Variants in RPS6KA2 observed in about 807,000 individuals in gnomAD.
RPS6KA2 encodes the protein ribosomal protein S6 kinase A2.
RPS6KA2 carries 42 observed loss-of-function variants against 91.8 expected under a neutral mutation model. The observed-to-expected ratio is 0.46, with a 90% CI of 0.36 to 0.59. The LOEUF is 0.59. Among genes scored for constraint, RPS6KA2 ranks in the 20% least tolerant of loss-of-function variants. The pLI, the probability that RPS6KA2 is intolerant of heterozygous loss-of-function variation, is 0.00. For synonymous variants in RPS6KA2, 414 were observed against 393.6 expected (o/e 1.05, Z -0.61); for missense variants, 798 against 978.5 (o/e 0.82, Z 2.46).
chr6:166,487,512 C>T (rs1476001302), intron 10 of RPS6KA2, among the ~76,000 whole-genome samples: 1 of 152,104 alleles, frequency 6.6e-6, no homozygotes, highest in Non-Finnish European at 1.5e-5. Flanking sequence ...TGGGTTATCA[C>T]CGAGAGGTCT....
chr6:166,627,297 T>G, upstream of RPS6KA2: 2 of 886,574 alleles, frequency 2.3e-6, no homozygotes, highest in South Asian at 5.0e-5. Flanking sequence ...CCACCACCAC[T>G]ACCACCAATC....
At chr6:166,449,772 C>T (rs1221853321) in intron 13 of RPS6KA2, among the ~76,000 whole-genome samples, 1 of 150,844 alleles carries the variant, frequency 6.6e-6, no homozygotes, top group African/African-American at 2.4e-5. Context: ...CCACGGAGAC[C>T]ATTACAGGGA....
At chr6:166,487,880 C>T (rs9457172) in intron 10 of RPS6KA2, among the ~76,000 whole-genome samples, 201 of 152,310 alleles carry the variant, frequency 1.3e-3, no homozygotes, top group African/African-American at 4.7e-3. Flanking sequence ...TTTTGATTAG[C>T]TTCACTTTCA....
In RPS6KA2 at chr6:166,733,817, G is replaced by A. The variant is rs367591865; in HGVS notation, c.123+124383C>T. The stretch of plus-strand genomic sequence containing the variant: ...AGAGAAGTAAAAGGAAGGTTTCTGC[G>A]TTTTTCTGTTTATAAAGCGGATATG... On this transcript the variant is annotated intron_variant, in intron 2 of 21. Coordinates refer to the RPS6KA2 transcript ENST00000503859. The surrounding 1 kb of genome is among the most constrained non-coding windows in gnomAD (Gnocchi z 4.1). Among the ~76,000 whole-genome samples, 7 of 152,166 alleles carry A rather than the reference G, an allele frequency of 4.6e-5. No homozygotes were observed. Among genetic ancestry groups the A allele is most frequent in the East Asian group, 1.9e-4 (1 of 5,198 alleles).
intron 2 of RPS6KA2, among the ~76,000 whole-genome samples, chr6:166,659,731 G>A (rs928107994): frequency 7.2e-5 from 11 of 152,276 alleles, no homozygotes; most frequent in South Asian, 2.1e-4. Context: ...GCTGGACGGC[G>A]TGGTGGCTTG....
intron 2 of RPS6KA2, among the ~76,000 whole-genome samples, chr6:166,694,540 C>G (rs181605685): frequency 9.5e-4 from 145 of 152,352 alleles, no homozygotes; most frequent in African/African-American, 3.0e-3. Flanking sequence ...AAGAGTTCGT[C>G]TAACACTTTT....
rs547733364 is a variant in RPS6KA2 at position 166,563,543 on chromosome 6, C to G, written c.100-24759G>C. Reference sequence around the variant, plus strand: ...TGTGCCTGCCCCCACTCCATCTGAGCGGCTGACCAGTCACCAGACTCACCC... The same window carrying G: ...TGTGCCTGCCCCCACTCCATCTGAGGGGCTGACCAGTCACCAGACTCACCC... On this transcript the variant is annotated intron_variant, in intron 1 of 20. Transcript: ENST00000265678. The surrounding 1 kb of genome is among the most constrained non-coding windows in gnomAD (Gnocchi z 4.1). 2.0e-5 allele frequency among the ~76,000 whole-genome samples: 3 copies of G among 152,074 alleles called. No individual in the cohort carries two copies. Among genetic ancestry groups the G allele is most frequent in the East Asian group, 1.9e-4 (1 of 5,150 alleles).
In RPS6KA2 at chr6:166,626,964, C is replaced by T; in HGVS notation, c.56G>A (p.Arg19His). The T allele has an allele frequency of 6.4e-7, 1 of 1,566,024 alleles. No homozygotes were observed. The highest frequency in any genetic ancestry group is 8.7e-7 in the Non-Finnish European group (1 of 1,155,776). Reference sequence around the variant, plus strand: ...GGAGCTCTTGGAGCGCGACTTCCTGCGCAGGTACACAGAGAAGAACCTGCG... The same window carrying T: ...GGAGCTCTTGGAGCGCGACTTCCTGTGCAGGTACACAGAGAAGAACCTGCG... ...AVRRFFSVYLRRKSRSKSSSL... is the reference protein window; with the variant it reads ...AVRRFFSVYLHRKSRSKSSSL... Residue 19 changes from arginine to histidine, a missense_variant, in exon 1 of 21, where the codon CGC (arginine) becomes CAC (histidine). By Grantham distance (29) the Arg-to-His change is conservative. Coordinates refer to ENST00000265678, the MANE Select transcript of RPS6KA2 (RefSeq NM_021135.6). The surrounding 1 kb of genome is among the most constrained non-coding windows in gnomAD (Gnocchi z 4.1).
intron 2 of RPS6KA2, among the ~76,000 whole-genome samples, chr6:166,808,712 A>G (rs1779556106): frequency 6.6e-6 from 1 of 152,262 alleles, no homozygotes; most frequent in Admixed American, 6.5e-5. Flanking sequence ...ATTTAAGTAA[A>G]TAAAAACATA....
At chr6:166,680,982 C>T (rs1000391046) in intron 2 of RPS6KA2, among the ~76,000 whole-genome samples, 8 of 152,198 alleles carry the variant, frequency 5.3e-5, no homozygotes, top group African/African-American at 1.9e-4. Flanking sequence ...TTTGGCGTAT[C>T]GAGTGAGGAC....
intron 1 of RPS6KA2, among the ~76,000 whole-genome samples, chr6:166,565,177 A>G (rs1173442304): frequency 6.6e-6 from 1 of 152,174 alleles, no homozygotes; most frequent in Non-Finnish European, 1.5e-5. Context: ...TCTGCTATGC[A>G]ACCAGAGGCT....
chr6:166,836,764 A>G (rs192095774), intron 2 of RPS6KA2, among the ~76,000 whole-genome samples: 1 of 152,254 alleles, frequency 6.6e-6, no homozygotes, highest in East Asian at 1.9e-4. Flanking sequence ...TTGTTTTGGT[A>G]TGTGTCTTCG....
intron 7 of RPS6KA2, among the ~76,000 whole-genome samples, chr6:166,499,822 C>T (rs1781957369): frequency 7.8e-6 from 1 of 128,380 alleles, no homozygotes; most frequent in African/African-American, 3.1e-5. Flanking sequence ...CAGACTAATA[C>T]AGGGACTTTG....
At position 166,418,532 on chromosome 6, in the gene RPS6KA2, A is replaced by G. The variant is rs1354560080; in HGVS notation, c.1821-190T>C. Among the ~76,000 whole-genome samples, 2 of 152,146 alleles carry G rather than the reference A, an allele frequency of 1.3e-5. No homozygotes were observed. Among genetic ancestry groups the G allele is most frequent in the African/African-American group, 4.8e-5 (2 of 41,438 alleles). On this transcript the variant is annotated intron_variant, in intron 18 of 20. Coordinates refer to ENST00000265678, the MANE Select transcript of RPS6KA2 (RefSeq NM_021135.6). The surrounding 1 kb of genome is among the most constrained non-coding windows in gnomAD (Gnocchi z 4.9). The stretch of plus-strand genomic sequence containing the variant: ...CTATGCCCGTTTTCCTTCCTTAGCA[A>G]TTGGGTGGCTAGAGGTTGATGGGCA...
At chr6:166,427,872 T>C (rs1297052485) in intron 16 of RPS6KA2, among the ~76,000 whole-genome samples, 2 of 152,214 alleles carry the variant, frequency 1.3e-5, no homozygotes, top group Non-Finnish European at 2.9e-5. Context: ...ATGGCCATAC[T>C]GCCCAAGCTA....
At chr6:166,578,071 T>C (rs754026540) in intron 1 of RPS6KA2, among the ~76,000 whole-genome samples, 1 of 152,218 alleles carries the variant, frequency 6.6e-6, no homozygotes, top group African/African-American at 2.4e-5. Context: ...CTGCCATGAT[T>C]CTGAGGCCTC....
rs147155718 is a variant in RPS6KA2, at chr6:166,822,302, A to T, written c.123+35898T>A. ...CCTTCTAAGAGGTAAATCAGCTAAG[A>T]TGAGGCCACAAGGGGAACCCTAAGC... On this transcript the variant is annotated intron_variant, in intron 2 of 21. Coordinates refer to the RPS6KA2 transcript ENST00000503859. Among the ~76,000 whole-genome samples, 198 of 152,312 alleles carry T rather than the reference A, an allele frequency of 1.3e-3. 3 individuals are homozygous for T. Among genetic ancestry groups the T allele is most frequent in the African/African-American group, 4.7e-3 (194 of 41,566 alleles).
intron 1 of RPS6KA2, among the ~76,000 whole-genome samples, chr6:166,592,045 A>C (rs1210521407): frequency 6.6e-6 from 1 of 152,244 alleles, no homozygotes; most frequent in Non-Finnish European, 1.5e-5. Flanking sequence ...AATAATCACC[A>C]GCCAGGGCGC....
Position 166,862,484 on chromosome 6 carries a change from G to T in RPS6KA2, c.-314C>A, listed in dbSNP as rs1337439888. ...GGCTGGGGCGAGGAAAGGAGGGGAC[G>T]GCGCTGCGGCTTCGGAATCTGTACT... On this transcript the variant is annotated 5_prime_UTR_variant, in exon 1 of 22. Coordinates refer to the RPS6KA2 transcript ENST00000503859. The T allele has an allele frequency of 1.0e-5, 8 of 784,944 alleles. No individual in the cohort carries two copies. In the Admixed American group the frequency reaches 1.4e-4, roughly 14 times the overall value. 48.6% of individuals were successfully genotyped at this position (784,944 alleles called of 1,614,324 possible).
Sources: gnomAD v4.1 joint callset for allele counts (sites outside exome capture counted in the v4.1 genomes callset) on GRCh38, gnomAD v4.1.1 for gene constraint, Gnocchi (gnomAD v3.1) non-coding constraint, MANE v1.5 for transcripts, NCBI Gene and HGNC (gene_info 2026-07-23, HGNC 2026-07-21) for gene names.